FAM78B: variants seen among roughly 807,000 people sequenced by gnomAD.
The protein encoded by FAM78B is family with sequence similarity 78 member B.
A neutral mutation model predicts 20.0 loss-of-function variants in FAM78B; 10 were observed. The observed-to-expected ratio is 0.50, with a 90% CI of 0.31 to 0.85. The LOEUF is 0.85. Ranked by LOEUF, FAM78B falls within the 40% of genes least tolerant of loss-of-function variation. The pLI is 0.05. For synonymous variants in FAM78B, 135 were observed against 132.8 expected (o/e 1.02, Z -0.12); for missense variants, 283 against 345.0 (o/e 0.82, Z 1.42).
chr1:166,111,099 TGTA>T (rs1654034969), intron 1 of FAM78B, among the ~76,000 whole-genome samples: 1 of 152,178 alleles, frequency 6.6e-6, no homozygotes. Flanking sequence ...ACGGGGCCAC[TGTA>T]GATAGGTGTC....
chr1:166,139,286 C>A (rs576743171), intron 1 of FAM78B, among the ~76,000 whole-genome samples: 5 of 152,130 alleles, frequency 3.3e-5, no homozygotes, highest in Admixed American at 2.0e-4. Context: ...TTGATGCTGT[C>A]CCTATCAGTA....
chr1:166,148,798 C>G lies in FAM78B; in HGVS notation c.263+17188G>C, dbSNP rs560685461. On this transcript the variant is annotated intron_variant, in intron 1 of 1. Transcript: ENST00000354422. Reference sequence around the variant, plus strand: ...CAGCTAGGTTATTCCTGTAGACTGTCATCCCACCACAGAGTGGGTTCCTCA... The same window carrying G: ...CAGCTAGGTTATTCCTGTAGACTGTGATCCCACCACAGAGTGGGTTCCTCA... Among the ~76,000 whole-genome samples, 6 of 152,378 alleles carry G rather than the reference C, an allele frequency of 3.9e-5. No homozygotes were observed. The South Asian group carries it at 1.2e-3, about 32-fold the overall frequency.
At chr1:166,078,096 A>G (rs71519276) in intron 1 of FAM78B, among the ~76,000 whole-genome samples, 31,102 of 149,592 alleles carry the variant, frequency 0.21, 3,515 homozygotes, top group Non-Finnish European at 0.25. Flanking sequence ...CAGCGGTATG[A>G]TCTTGGCTCA....
chr1:166,121,871 T>A (rs1011802279), intron 1 of FAM78B, among the ~76,000 whole-genome samples: 1 of 152,098 alleles, frequency 6.6e-6, no homozygotes, highest in African/African-American at 2.4e-5. Context: ...TCATATCCCC[T>A]GTACACACAG....
chr1:166,123,924 G>C (rs1654550445), intron 1 of FAM78B, among the ~76,000 whole-genome samples: 1 of 152,192 alleles, frequency 6.6e-6, no homozygotes, highest in African/African-American at 2.4e-5. Context: ...AGTAGAATGG[G>C]GAATGTGATT....
At chr1:166,074,108 G>C (rs932955056) in intron 1 of FAM78B, among the ~76,000 whole-genome samples, 3 of 152,174 alleles carry the variant, frequency 2.0e-5, no homozygotes, top group Admixed American at 1.3e-4. Context: ...ATCTGATCAT[G>C]CTCTTTCTAT....
rs1200752162 is a variant in FAM78B at position 166,109,890 on chromosome 1, G to GTATATATA, written c.264-39135_264-39128dup. 6.9e-4 allele frequency among the ~76,000 whole-genome samples: 16 copies of GTATATATA among 23,184 alleles called. 1 individual carries two copies. Among genetic ancestry groups the GTATATATA allele is most frequent in the South Asian group, 1.8e-3 (1 of 550 alleles). The allele number at this position is 23,184 out of a possible 152,430, so 15.2% of individuals were successfully genotyped here. A position where few individuals can be genotyped will look rare whatever the true frequency, so the allele number is the denominator to read the frequency against. On this transcript the variant is annotated intron_variant, in intron 1 of 1. Coordinates refer to ENST00000354422, the MANE Select transcript of FAM78B (RefSeq NM_001017961.5). Reference sequence around the variant, plus strand: ...TGTGTATATATATATATGTATATATGTATATATATATATATATATATATAT... The same window carrying GTATATATA: ...TGTGTATATATATATATGTATATATGTATATATATATATATATATATATATATATATAT...
At chr1:166,125,361 G>A (rs1270315104) in intron 1 of FAM78B, among the ~76,000 whole-genome samples, 1 of 152,110 alleles carries the variant, frequency 6.6e-6, no homozygotes, top group African/African-American at 2.4e-5. Context: ...CTCAGTATGA[G>A]AGCCTATTTG....
intron 1 of FAM78B, among the ~76,000 whole-genome samples, chr1:166,084,783 T>C (rs1356229526): frequency 6.6e-6 from 1 of 152,092 alleles, no homozygotes; most frequent in Non-Finnish European, 1.5e-5. Flanking sequence ...TTGCTGCTTG[T>C]CAGGCTTGCC....
At chr1:166,102,751 T>C (rs1180787437) in intron 1 of FAM78B, among the ~76,000 whole-genome samples, 13 of 152,214 alleles carry the variant, frequency 8.5e-5, no homozygotes, top group Middle Eastern at 3.4e-3. Flanking sequence ...TCCCACACAA[T>C]AATAACGGGA....
At chr1:166,139,224 T>C (rs1655185523) in intron 1 of FAM78B, among the ~76,000 whole-genome samples, 1 of 152,160 alleles carries the variant, frequency 6.6e-6, no homozygotes, top group Non-Finnish European at 1.5e-5. Flanking sequence ...TGAGCCAACA[T>C]AAGAAACTTT....
chr1:166,084,237 A>ACTCT (rs372134890), intron 1 of FAM78B, among the ~76,000 whole-genome samples: 25 of 125,470 alleles, frequency 2.0e-4, no homozygotes, highest in Middle Eastern at 4.2e-3. Flanking sequence ...ACACACACAC[A>ACTCT]CTCTCTCTCT....
At chr1:166,076,461 C>T (rs960836780) in intron 1 of FAM78B, among the ~76,000 whole-genome samples, 12 of 152,146 alleles carry the variant, frequency 7.9e-5, no homozygotes, top group Admixed American at 2.6e-4. Flanking sequence ...CCAAATACCA[C>T]GTTCTCACTG....
chr1:166,077,913 TA>T (rs1311458183), intron 1 of FAM78B, among the ~76,000 whole-genome samples: 91 of 5,318 alleles, frequency 0.017, 9 homozygotes, highest in Middle Eastern at 0.12. Flanking sequence ...TATATATAAT[TA>T]TATATATAAT....
At chr1:166,155,790 C>T (rs1485128964) in intron 1 of FAM78B, among the ~76,000 whole-genome samples, 2 of 151,724 alleles carry the variant, frequency 1.3e-5, no homozygotes, top group Admixed American at 6.6e-5. Flanking sequence ...TGTGTGGTCT[C>T]GGGAGAGGGA....
chr1:166,070,630 T>C lies in FAM78B; in HGVS notation c.397A>G (p.Arg133Gly), dbSNP rs759603534. 2.5e-6 allele frequency: 4 copies of C among 1,613,754 alleles called. No homozygotes were observed. Among genetic ancestry groups the C allele is most frequent in the Admixed American group, 1.7e-5 (1 of 60,030 alleles). ...TTGTCATTCATGCTGACGGAGAACC[T>C]GGAGATCTTGTTGGTGGGGCCAACC... Reference protein sequence around the residue: ...TLVGPTNKISRFSVSMNDNFY... With the variant: ...TLVGPTNKISGFSVSMNDNFY... Residue 133 changes from arginine (R) to glycine (G), a missense_variant, in exon 2 of 2, where the codon AGG becomes GGG. By Grantham distance (125) the Arg-to-Gly change is moderately radical (BLOSUM62 -2). Transcript: ENST00000354422.
At chr1:166,165,573 C>T (rs1656336468) in intron 1 of FAM78B, among the ~76,000 whole-genome samples, 1 of 152,150 alleles carries the variant, frequency 6.6e-6, no homozygotes, top group East Asian at 1.9e-4. Context: ...CGCGGCACAG[C>T]CCATGCGCCC....
intron 1 of FAM78B, among the ~76,000 whole-genome samples, chr1:166,085,661 A>C (rs4074362): frequency 0.024 from 3,590 of 152,308 alleles, 63 homozygotes; most frequent in South Asian, 0.062. Flanking sequence ...ATCAGACAGC[A>C]TTCTTGCCTT....
chr1:166,101,231 A>G (rs1653501074), intron 1 of FAM78B, among the ~76,000 whole-genome samples: 2 of 152,220 alleles, frequency 1.3e-5, no homozygotes, highest in African/African-American at 4.8e-5. Flanking sequence ...ATAAAACCAC[A>G]AAGATGGGGA....
Sources: allele counts gnomAD v4.1 joint callset (sites outside exome capture counted in the v4.1 genomes callset), GRCh38; gene constraint gnomAD v4.1.1; transcripts MANE v1.5; gene names NCBI Gene and HGNC (gene_info 2026-07-23, HGNC 2026-07-21).